GPATCH2: variants seen among roughly 807,000 people sequenced by gnomAD.
GPATCH2 encodes the protein G patch domain-containing protein 2.
Under a neutral mutation model 58.0 loss-of-function variants are expected in GPATCH2, and 51 were observed. The ratio of observed to expected loss-of-function variants is 0.88; its 90% confidence interval spans 0.70 to 1.11. The LOEUF is 1.11. GPATCH2 is among the 50% of genes most tolerant of loss of function. The probability of loss-of-function intolerance (pLI) is 0.00; values close to 1 mark genes in which losing one functional copy is unlikely to be tolerated. For missense variants in GPATCH2, 625 were observed against 652.2 expected, an observed-to-expected ratio of 0.96 and a Z score of 0.45; for synonymous variants, 222 against 218.5, an observed-to-expected ratio of 1.02 and a Z score of -0.14.
chr1:217,493,021 C>T (rs1283195412), intron 7 of GPATCH2, among the ~76,000 whole-genome samples: 2 of 152,136 alleles, frequency 1.3e-5, no homozygotes, highest in Non-Finnish European at 2.9e-5. Context: ...TGGTTAGGCT[C>T]ATTCTTTCAG....
intron 8 of GPATCH2, among the ~76,000 whole-genome samples, chr1:217,459,902 A>G (rs1302346606): frequency 6.6e-6 from 1 of 152,156 alleles, no homozygotes; most frequent in African/African-American, 2.4e-5. Context: ...GCCAAGCTCT[A>G]AGTTCCGTTC....
intron 9 of GPATCH2, among the ~76,000 whole-genome samples, chr1:217,447,531 C>T (rs943812907): frequency 6.6e-6 from 1 of 152,130 alleles, no homozygotes; most frequent in Admixed American, 6.5e-5. Flanking sequence ...CTCCCTCATA[C>T]AGTTGTTATA....
At chr1:217,545,162 A>G (rs1430834335) in intron 5 of GPATCH2, among the ~76,000 whole-genome samples, 1 of 152,224 alleles carries the variant, frequency 6.6e-6, no homozygotes, top group Non-Finnish European at 1.5e-5. Context: ...AACGGTCAAT[A>G]TATGCTTGTC....
chr1:217,577,566 A>C (rs1215705035), intron 5 of GPATCH2, among the ~76,000 whole-genome samples: 4 of 152,212 alleles, frequency 2.6e-5, no homozygotes, highest in Non-Finnish European at 4.4e-5. Flanking sequence ...ATAAAATGTT[A>C]TCTCAATACA....
At chr1:217,470,092 G>A (rs1462066494) in intron 8 of GPATCH2, among the ~76,000 whole-genome samples, 1 of 152,140 alleles carries the variant, frequency 6.6e-6, no homozygotes, top group African/African-American at 2.4e-5. Context: ...CATTTCCTAG[G>A]AGAATCATCT....
chr1:217,533,319 A>G (rs1248455774), intron 5 of GPATCH2, among the ~76,000 whole-genome samples: 1 of 152,194 alleles, frequency 6.6e-6, no homozygotes, highest in Non-Finnish European at 1.5e-5. Flanking sequence ...TGAGTGTATG[A>G]GATATTAAAA....
intron 5 of GPATCH2, among the ~76,000 whole-genome samples, chr1:217,560,609 AT>A (rs1360833968): frequency 2.6e-5 from 4 of 152,234 alleles, no homozygotes; most frequent in Non-Finnish European, 5.9e-5. Flanking sequence ...TCGGAATATA[AT>A]GGCCCAACAA....
rs186524397 is a variant in GPATCH2, at chr1:217,498,532, C to A, written c.1167-137G>T. ...ATATGCTTTATTTTAATGGATGTTTCATGTAATTCTAGACTTAGACCAATT... is the reference window on the plus strand; with the variant it reads ...ATATGCTTTATTTTAATGGATGTTTAATGTAATTCTAGACTTAGACCAATT... On this transcript the variant is annotated intron_variant, in intron 6 of 9. Transcript: ENST00000366935. 8.5e-5 allele frequency: 61 copies of A among 721,280 alleles called. No individual in the cohort carries two copies. The Admixed American group carries it at 1.1e-3, about 13-fold the overall frequency. The allele number at this position is 721,280 out of a possible 1,614,324, so 44.7% of individuals were successfully genotyped here. A position where few individuals can be genotyped will look rare whatever the true frequency, so the allele number is the denominator to read the frequency against.
At chr1:217,559,795 C>G (rs979764601) in intron 5 of GPATCH2, among the ~76,000 whole-genome samples, 2 of 151,710 alleles carry the variant, frequency 1.3e-5, no homozygotes, top group African/African-American at 4.8e-5. Context: ...CCCAAAAATG[C>G]TTGAGAGAGA....
chr1:217,494,409 A>G (rs1398007360), intron 7 of GPATCH2, among the ~76,000 whole-genome samples: 1 of 152,216 alleles, frequency 6.6e-6, no homozygotes, highest in Non-Finnish European at 1.5e-5. Flanking sequence ...GAAAAAATTA[A>G]TCTAAGGTGT....
chr1:217,442,767 C>T (rs1558394956), intron 9 of GPATCH2, among the ~76,000 whole-genome samples: 1 of 152,054 alleles, frequency 6.6e-6, no homozygotes, highest in Non-Finnish European at 1.5e-5. Context: ...AAAGCATATA[C>T]TGAGTTTTCT....
chr1:217,432,740 T>G (rs113364516), intron 9 of GPATCH2, among the ~76,000 whole-genome samples: 1 of 152,070 alleles, frequency 6.6e-6, no homozygotes, highest in Admixed American at 6.5e-5. Flanking sequence ...AATATTGCAG[T>G]CTTTGAGAAA....
intron 9 of GPATCH2, among the ~76,000 whole-genome samples, chr1:217,439,235 A>G (rs1659009275): frequency 1.3e-5 from 2 of 152,240 alleles, no homozygotes; most frequent in African/African-American, 4.8e-5. Flanking sequence ...ACTCAACTCC[A>G]TGGAAACTGA....
At chr1:217,578,528 A>G (rs2102736288) in intron 5 of GPATCH2, among the ~76,000 whole-genome samples, 1 of 152,322 alleles carries the variant, frequency 6.6e-6, no homozygotes, top group East Asian at 1.9e-4. Context: ...CTGAGAGTAC[A>G]GGCGTCAGCC....
At chr1:217,579,673 A>G (rs1338459983) in intron 5 of GPATCH2, among the ~76,000 whole-genome samples, 1 of 152,178 alleles carries the variant, frequency 6.6e-6, no homozygotes, top group African/African-American at 2.4e-5. Context: ...TATGTCACAT[A>G]TAAGGCAATC....
rs1171924348 is a variant in GPATCH2 at position 217,430,539 on chromosome 1, A to C, written c.*606T>G. On this transcript the variant is annotated 3_prime_UTR_variant, in exon 10 of 10. Coordinates refer to ENST00000366935, the MANE Select transcript of GPATCH2 (RefSeq NM_018040.5). The stretch of plus-strand genomic sequence containing the variant: ...TTATTTTTGTCAAAACATCCAAGGG[A>C]AACATTAATTGTTGTTTGTCAACTG... 1.3e-5 allele frequency: 2 copies of C among 152,298 alleles called. No individual in the cohort carries two copies. Among genetic ancestry groups the C allele is most frequent in the Non-Finnish European group, 2.9e-5 (2 of 68,106 alleles). The allele number at this position is 152,298 out of a possible 1,614,324, so 9.4% of individuals were successfully genotyped here. A position where few individuals can be genotyped will look rare whatever the true frequency, so the allele number is the denominator to read the frequency against.
At chr1:217,511,605 T>C (rs139895128) in intron 6 of GPATCH2, among the ~76,000 whole-genome samples, 228 of 152,216 alleles carry the variant, frequency 1.5e-3, no homozygotes, top group African/African-American at 4.0e-3. Context: ...AGCTAGGAAG[T>C]TGGGGAAGCA....
At chr1:217,454,978 A>G (rs1170774177) in intron 8 of GPATCH2, among the ~76,000 whole-genome samples, 3 of 152,112 alleles carry the variant, frequency 2.0e-5, no homozygotes, top group Non-Finnish European at 4.4e-5. Context: ...CTTTTTGTGC[A>G]TGATCTCTTT....
At chr1:217,496,054 G>T (rs1661991474) in intron 7 of GPATCH2, among the ~76,000 whole-genome samples, 2 of 152,164 alleles carry the variant, frequency 1.3e-5, no homozygotes, top group Admixed American at 6.6e-5. Context: ...TAAACTAAAA[G>T]ATTTTATACT....
Sources: gnomAD v4.1 joint callset for allele counts (sites outside exome capture counted in the v4.1 genomes callset) on GRCh38, gnomAD v4.1.1 for gene constraint, MANE v1.5 for transcripts, NCBI Gene and HGNC (gene_info 2026-07-23, HGNC 2026-07-21) for gene names.